H6PD: variants seen among roughly 807,000 people sequenced by gnomAD.
H6PD encodes the protein GDH/6PGL endoplasmic bifunctional protein.
In H6PD, 48 loss-of-function variants were observed where a neutral mutation model predicts 61.2. The observed-to-expected ratio is 0.78, with a 90% CI of 0.62 to 1.00. H6PD has a LOEUF of 1.00. Ranked by LOEUF, H6PD falls within the 50% of genes least tolerant of loss-of-function variation. H6PD has a pLI of 0.00. For synonymous variants in H6PD, 480 were observed against 457.9 expected, an observed-to-expected ratio of 1.05 and a Z score of -0.62; for missense variants, 1,093 against 1,065.0, an observed-to-expected ratio of 1.03 and a Z score of -0.37.
intron 1 of H6PD, among the ~76,000 whole-genome samples, chr1:9,236,601 G>A (rs934512451): frequency 6.6e-5 from 10 of 151,914 alleles, no homozygotes; most frequent in South Asian, 4.2e-4. Flanking sequence ...CTCCGGTGAC[G>A]GAGGTTGCAG....
chr1:9,263,591 G>A lies in H6PD; in HGVS notation c.1098G>A (p.Val366=), dbSNP rs2100397977. 6.2e-7 allele frequency: 1 copy of A among 1,614,180 alleles called. No homozygotes were observed. Among genetic ancestry groups the A allele is most frequent in the Non-Finnish European group, 8.5e-7 (1 of 1,179,982 alleles). The change falls in exon 5 of 5, where the codon GTG becomes GTA. Residue 366 remains valine, a synonymous_variant. Coordinates refer to ENST00000377403, the MANE Select transcript of H6PD (RefSeq NM_004285.4). ...CTGGCAAAGCCTTGGACGAGAGAGT[G>A]GGCTACGCTCGGATCTTGTTCAAGA... ...LMSGKALDER[V]GYARILFKNQ... is the part of the protein sequence containing the mutation.
Position 9,262,101 on chromosome 1 carries a change from T to G in H6PD, c.788T>G (p.Val263Gly). 1 of 1,614,176 alleles carries G rather than the reference T, an allele frequency of 6.2e-7. No homozygotes were observed. The highest frequency in any genetic ancestry group is 8.5e-7 in the Non-Finnish European group (1 of 1,180,016). ...FYEEYGVIRD[V>G]LQNHLTEVLT... The stretch of plus-strand genomic sequence containing the variant: ...GAGGAGTACGGTGTCATTCGCGACG[T>G]CCTCCAGAACCATCTGACGGAGGTC... Residue 263 changes from valine to glycine, a missense_variant, in exon 4 of 5, where the codon GTC becomes GGC. By Grantham distance (109) the Val-to-Gly change is moderately radical. Transcript: ENST00000377403.
At chr1:9,257,001 GCT>G (rs1216735363) in intron 3 of H6PD, among the ~76,000 whole-genome samples, 7 of 152,116 alleles carry the variant, frequency 4.6e-5, no homozygotes, top group African/African-American at 1.7e-4. Context: ...AATCGCCTCA[GCT>G]CTGTCTTCTG....
Position 9,263,502 on chromosome 1 carries a change from A to AT in H6PD, c.1016-7_1016-6insT, listed in dbSNP as rs1428547810. 5 of 1,613,478 alleles carry AT rather than the reference A, an allele frequency of 3.1e-6. No individual in the cohort carries two copies. The highest frequency in any genetic ancestry group is 4.2e-6 in the Non-Finnish European group (5 of 1,179,674). ...GAGAGTCACCCTCTGCTGTTCCCTC[A>AT]CCCCAGCCGTCCTAGTGCACATTGA... is the stretch of plus-strand genomic sequence containing the variant. On this transcript the variant is annotated splice_region_variant and splice_polypyrimidine_tract_variant and intron_variant, in intron 4 of 4. Transcript: ENST00000377403.
In H6PD at chr1:9,263,864, C is replaced by T; in HGVS notation, c.1371C>T (p.Ala457=). The T allele has an allele frequency of 6.2e-7, 1 of 1,614,072 alleles. No individual in the cohort carries two copies. The highest frequency in any genetic ancestry group is 8.5e-7 in the Non-Finnish European group (1 of 1,180,012). Residue 457 remains alanine, a synonymous_variant, in exon 5 of 5, where the codon GCC becomes GCT. Transcript: ENST00000377403. ...ACAGCCCTGTGCGGGAGCGGGACGC[C>T]CACTCCGTCCTCTTATCCCATATCT... ...YAYSPVRERD[A]HSVLLSHIFH... is the part of the protein sequence containing the mutation.
chr1:9,267,886 C>G lies in H6PD; in HGVS notation c.*3017C>G, dbSNP rs1638620586. 6.6e-6 allele frequency: 1 copy of G among 152,188 alleles called. No individual in the cohort carries two copies. The highest frequency in any genetic ancestry group is 6.5e-5 in the Admixed American group (1 of 15,288). The allele number at this position is 152,188 out of a possible 1,614,324, so 9.4% of individuals were successfully genotyped here. ...TCCAAGCAGGTTTCATAAAGAAATT[C>G]TTAACCTTAGAACCTCGGATATCCT... On this transcript the variant is annotated 3_prime_UTR_variant, in exon 5 of 5. Transcript: ENST00000377403.
chr1:9,246,485 G>A (rs1399578651), intron 2 of H6PD, among the ~76,000 whole-genome samples: 1 of 152,204 alleles, frequency 6.6e-6, no homozygotes, highest in Admixed American at 6.5e-5. Flanking sequence ...GGTACGTGGT[G>A]CGGGTGGGCA....
chr1:9,256,895 G>C (rs927751425), intron 3 of H6PD, among the ~76,000 whole-genome samples: 1 of 151,970 alleles, frequency 6.6e-6, no homozygotes, highest in African/African-American at 2.4e-5. Flanking sequence ...ATGCACGCCT[G>C]GTTCCCTAAA....
At position 9,271,288 on chromosome 1, in the gene H6PD, T is replaced by C. The variant is rs1638739907; in HGVS notation, c.*6419T>C. Reference sequence around the variant, plus strand: ...AACATTTTTAAAATGTCTTTTTCTATGTCAAATGTAACGTTTATTTTTTTA... The same window carrying C: ...AACATTTTTAAAATGTCTTTTTCTACGTCAAATGTAACGTTTATTTTTTTA... On this transcript the variant is annotated 3_prime_UTR_variant, in exon 5 of 5. Coordinates refer to ENST00000377403, the MANE Select transcript of H6PD (RefSeq NM_004285.4). 6.6e-6 allele frequency: 1 copy of C among 152,220 alleles called. No homozygotes were observed. The highest frequency in any genetic ancestry group is 1.5e-5 in the Non-Finnish European group (1 of 68,038). 9.4% of individuals were successfully genotyped at this position (152,220 alleles called of 1,614,324 possible).
At chr1:9,244,139 A>G (rs765905487) in intron 1 of H6PD, among the ~76,000 whole-genome samples, 2 of 152,188 alleles carry the variant, frequency 1.3e-5, no homozygotes, top group Non-Finnish European at 2.9e-5. Flanking sequence ...TAGTGCCAGC[A>G]CTAATCATTT....
At chr1:9,239,701 T>G in intron 1 of H6PD, 2 of 343,852 alleles carry the variant, frequency 5.8e-6, no homozygotes, top group Non-Finnish European at 1.0e-5. Context: ...TTTCCCTTCC[T>G]CCTGCCTGGC....
rs931408475 is a variant in H6PD at position 9,238,382 on chromosome 1, C to T, written c.-11+3316C>T. Among the ~76,000 whole-genome samples the T allele has an allele frequency of 3.3e-5, 5 of 152,142 alleles. No homozygotes were observed. The East Asian group carries it at 5.8e-4, about 18-fold the overall frequency. Reference sequence around the variant, plus strand: ...GCTATAAAAAGGTCACTCTGACTGCCGTGTTGAGGCTCAGCCATAGAGGGT... The same window carrying T: ...GCTATAAAAAGGTCACTCTGACTGCTGTGTTGAGGCTCAGCCATAGAGGGT... On this transcript the variant is annotated intron_variant, in intron 1 of 4. Coordinates refer to ENST00000377403, the MANE Select transcript of H6PD (RefSeq NM_004285.4).
intron 3 of H6PD, among the ~76,000 whole-genome samples, chr1:9,260,952 G>A (rs1638259305): frequency 6.6e-6 from 1 of 151,846 alleles, no homozygotes; most frequent in Non-Finnish European, 1.5e-5. Context: ...CCACTTCCAG[G>A]GCTCATGTTG....
At position 9,264,670 on chromosome 1, in the gene H6PD, A is replaced by ACCG. The variant is rs1205728301; in HGVS notation, c.2182_2184dup (p.Arg728dup). On this transcript the variant is annotated inframe_insertion, in exon 5 of 5. Coordinates refer to ENST00000377403, the MANE Select transcript of H6PD (RefSeq NM_004285.4). ...CTGACCACGAGCCCCTCCCAGCCACACCGCCGCATGAGCCTTAGCCTGCCT... is the reference window on the plus strand; with the variant it reads ...CTGACCACGAGCCCCTCCCAGCCACACCGCCGCCGCATGAGCCTTAGCCTGCCT... 3 of 1,612,930 alleles carry ACCG rather than the reference A, an allele frequency of 1.9e-6. No homozygotes were observed. Among genetic ancestry groups the ACCG allele is most frequent in the South Asian group, 2.2e-5 (2 of 91,080 alleles).
At chr1:9,257,795 T>A (rs1431409194) in intron 3 of H6PD, among the ~76,000 whole-genome samples, 1 of 152,238 alleles carries the variant, frequency 6.6e-6, no homozygotes. Context: ...GGGTCCTACG[T>A]GCAGAAGCCT....
rs1313893420 is a variant in H6PD, at chr1:9,262,071, T to A, written c.758T>A (p.Phe253Tyr). The change falls in exon 4 of 5, where the codon TTC (phenylalanine) becomes TAC (tyrosine). Residue 253 changes from phenylalanine (F) to tyrosine (Y), a missense_variant. Phe to Tyr is a conservative substitution (Grantham distance 22). Transcript: ENST00000377403. Reference protein sequence around the residue: ...ETVDAEGRTSFYEEYGVIRDV... With the variant: ...ETVDAEGRTSYYEEYGVIRDV... Reference sequence around the variant, plus strand: ...CTCCCTCCACCAGGCCGCACCAGCTTCTATGAGGAGTACGGTGTCATTCGC... The same window carrying A: ...CTCCCTCCACCAGGCCGCACCAGCTACTATGAGGAGTACGGTGTCATTCGC... 6.2e-7 allele frequency: 1 copy of A among 1,614,126 alleles called. No individual in the cohort carries two copies. Among genetic ancestry groups the A allele is most frequent in the Non-Finnish European group, 8.5e-7 (1 of 1,179,986 alleles).
Position 9,244,986 on chromosome 1 carries a change from C to A in H6PD, c.52C>A (p.Gln18Lys). 6.2e-7 allele frequency: 1 copy of A among 1,613,624 alleles called. No homozygotes were observed. The highest frequency in any genetic ancestry group is 8.5e-7 in the Non-Finnish European group (1 of 1,179,498). Residue 18 changes from glutamine (Q) to lysine (K), a missense_variant, in exon 2 of 5, where the codon CAA (glutamine) becomes AAA (lysine). Coordinates refer to ENST00000377403, the MANE Select transcript of H6PD (RefSeq NM_004285.4). The stretch of plus-strand genomic sequence containing the variant: ...GTGCTTGGCCCTTCTGGGCTGCCTG[C>A]AAGCCCAGGAGCTCCAGGGACATGT... ...AMCLALLGCL[Q>K]AQELQGHVSI...
intron 3 of H6PD, among the ~76,000 whole-genome samples, chr1:9,255,843 C>G (rs2100364030): frequency 6.6e-6 from 1 of 152,302 alleles, no homozygotes; most frequent in African/African-American, 2.4e-5. Flanking sequence ...CTAGACCCCT[C>G]CTTCCAGAAG....
rs1337735055 is a variant in H6PD, at chr1:9,264,447, C to T, written c.1954C>T (p.His652Tyr). ...QHVRIPYYNI[H>Y]PMPVHLQQRL... is the part of the protein sequence containing the mutation. ...CGTCCGGATCCCCTACTACAACATC[C>T]ACCCCATGCCTGTGCACCTGCAGCA... Residue 652 changes from histidine (H) to tyrosine (Y), a missense_variant, in exon 5 of 5, where the codon CAC becomes TAC. By Grantham distance (83) the His-to-Tyr change is moderately conservative (BLOSUM62 2). Transcript: ENST00000377403. 2 of 1,613,298 alleles carry T rather than the reference C, an allele frequency of 1.2e-6. No individual in the cohort carries two copies. The highest frequency in any genetic ancestry group is 1.1e-5 in the South Asian group (1 of 91,084).
Sources: gnomAD v4.1 joint callset for allele counts (sites outside exome capture counted in the v4.1 genomes callset) on GRCh38, gnomAD v4.1.1 for gene constraint, MANE v1.5 for transcripts, NCBI Gene and HGNC (gene_info 2026-07-23, HGNC 2026-07-21) for gene names.